Variants in SLC24A2 observed in about 807,000 individuals in gnomAD.
SLC24A2 encodes solute carrier family 24 member 2.
In SLC24A2, 36 loss-of-function variants were observed where a neutral mutation model predicts 62.0. The observed-to-expected ratio is 0.58, with a 90% CI of 0.44 to 0.77. The LOEUF is 0.77. SLC24A2 is among the 30% of genes least tolerant of loss of function. The pLI is 0.00. For missense variants in SLC24A2, 846 were observed against 817.9 expected (o/e 1.03, Z -0.42); for synonymous variants, 358 against 294.0 (o/e 1.22, Z -2.23).
the SLC24A2 span, among the ~76,000 whole-genome samples, chr9:19,972,730 A>G: frequency 1.3e-5 from 2 of 152,238 alleles, no homozygotes; most frequent in Non-Finnish European, 2.9e-5. Flanking sequence ...ATATTTTACA[A>G]AAGTATTTTT....
At chr9:20,228,497 C>T in the SLC24A2 span, among the ~76,000 whole-genome samples, 3 of 151,760 alleles carry the variant, frequency 2.0e-5, no homozygotes, top group Non-Finnish European at 4.4e-5. Flanking sequence ...CCAAGCGCAA[C>T]AAATATGAAG....
At chr9:19,826,474 C>T in the SLC24A2 span, among the ~76,000 whole-genome samples, 1 of 152,088 alleles carries the variant, frequency 6.6e-6, no homozygotes, top group Admixed American at 6.5e-5. Context: ...ATACCCAAGA[C>T]TGGGTAATTT....
the SLC24A2 span, among the ~76,000 whole-genome samples, chr9:20,280,059 C>G: frequency 1.3e-5 from 2 of 152,164 alleles, no homozygotes; most frequent in South Asian, 4.1e-4. Context: ...TAGGCTATTG[C>G]CTATGGCAGA....
the SLC24A2 span, among the ~76,000 whole-genome samples, chr9:20,105,896 A>C: frequency 6.6e-6 from 1 of 152,206 alleles, no homozygotes; most frequent in African/African-American, 2.4e-5. Flanking sequence ...TCAAAAAATT[A>C]ATGAATCCAG....
the SLC24A2 span, among the ~76,000 whole-genome samples, chr9:19,969,761 C>T: frequency 6.6e-6 from 1 of 152,152 alleles, no homozygotes; most frequent in Non-Finnish European, 1.5e-5. Context: ...TATTAAAGAT[C>T]ATAGAGCTTG....
the SLC24A2 span, among the ~76,000 whole-genome samples, chr9:19,947,848 G>GAAAGAAAGAAAGAAAT: frequency 3.0e-4 from 43 of 145,376 alleles, no homozygotes; most frequent in East Asian, 8.3e-4. Context: ...AAGAAAGAAA[G>GAAAGAAAGAAAGAAAT]AAATTAGTTC....
chr9:19,661,489 T>A (rs1028637472), intron 2 of SLC24A2, among the ~76,000 whole-genome samples: 2 of 150,220 alleles, frequency 1.3e-5, no homozygotes, highest in African/African-American at 4.8e-5. Flanking sequence ...TCCAGGGATA[T>A]CCTTCTTCTA....
chr9:20,299,805 A>T, the SLC24A2 span, among the ~76,000 whole-genome samples: 1 of 152,262 alleles, frequency 6.6e-6, no homozygotes, highest in Non-Finnish European at 1.5e-5. Flanking sequence ...ACAGATATCC[A>T]TAAGTGGCAG....
At chr9:19,683,240 T>C (rs1819775229) in intron 2 of SLC24A2, among the ~76,000 whole-genome samples, 2 of 152,118 alleles carry the variant, frequency 1.3e-5, no homozygotes, top group Non-Finnish European at 2.9e-5. Flanking sequence ...CAAGATGCAG[T>C]TTAGTGGGAC....
chr9:19,517,345 CA>C (rs1832981757), intron 10 of SLC24A2, among the ~76,000 whole-genome samples: 1 of 152,142 alleles, frequency 6.6e-6, no homozygotes, highest in Non-Finnish European at 1.5e-5. Context: ...TTCTGAATGA[CA>C]AAAGCTAAGG....
chr9:19,980,611 G>A, the SLC24A2 span, among the ~76,000 whole-genome samples: 1 of 152,106 alleles, frequency 6.6e-6, no homozygotes, highest in Admixed American at 6.6e-5. Flanking sequence ...ATATGAGGTG[G>A]TAAGATATTT....
chr9:20,149,765 C>T, the SLC24A2 span, among the ~76,000 whole-genome samples: 1 of 152,014 alleles, frequency 6.6e-6, no homozygotes, highest in Non-Finnish European at 1.5e-5. Context: ...AGGCAGCAGG[C>T]CACATTTGGC....
the SLC24A2 span, among the ~76,000 whole-genome samples, chr9:20,257,258 A>G: frequency 6.6e-6 from 1 of 152,216 alleles, no homozygotes; most frequent in Non-Finnish European, 1.5e-5. Context: ...TAAGATTAAA[A>G]AATATTTTTT....
chr9:19,909,128 T>G, the SLC24A2 span, among the ~76,000 whole-genome samples: 3 of 152,176 alleles, frequency 2.0e-5, no homozygotes, highest in Non-Finnish European at 2.9e-5. Flanking sequence ...GTGGCACATA[T>G]ATACCATGGA....
At chr9:19,740,478 T>C (rs1244391247) in intron 2 of SLC24A2, among the ~76,000 whole-genome samples, 2 of 152,146 alleles carry the variant, frequency 1.3e-5, no homozygotes, top group Non-Finnish European at 2.9e-5. Context: ...AACCCCAAAA[T>C]GCACATATTC....
the SLC24A2 span, among the ~76,000 whole-genome samples, chr9:20,175,371 A>G: frequency 6.6e-6 from 1 of 152,146 alleles, no homozygotes; most frequent in Middle Eastern, 3.4e-3. Flanking sequence ...CTATTCTCCA[A>G]TAACCTGTGG....
intron 2 of SLC24A2, among the ~76,000 whole-genome samples, chr9:19,710,364 G>T (rs1368326856): frequency 6.6e-6 from 1 of 152,240 alleles, no homozygotes; most frequent in Non-Finnish European, 1.5e-5. Context: ...CAAGGAGAGG[G>T]CCCGGTATCA....
the SLC24A2 span, among the ~76,000 whole-genome samples, chr9:20,139,316 G>A: frequency 2.0e-5 from 3 of 152,178 alleles, no homozygotes; most frequent in Non-Finnish European, 4.4e-5. Context: ...CAGGCAAGTC[G>A]CTTTAGTCCC....
At chr9:20,075,504 G>A in the SLC24A2 span, among the ~76,000 whole-genome samples, 1 of 152,166 alleles carries the variant, frequency 6.6e-6, no homozygotes, top group Non-Finnish European at 1.5e-5. Context: ...AACATTGTTA[G>A]ACTGTAGGGT....
Sources: allele counts gnomAD v4.1 joint callset (sites outside exome capture counted in the v4.1 genomes callset), GRCh38; gene constraint gnomAD v4.1.1; transcripts MANE v1.5; gene names NCBI Gene and HGNC (gene_info 2026-07-23, HGNC 2026-07-21).